Variants in MIER2 observed in about 807,000 individuals in gnomAD.
The protein encoded by MIER2 is MIER family member 2, also known as mesoderm induction early response protein 2.
In MIER2, 30 loss-of-function variants were observed where a neutral mutation model predicts 67.6. That is an observed-to-expected ratio of 0.44 (90% CI 0.33 to 0.60). The LOEUF (loss-of-function observed/expected upper bound fraction) is 0.60, where lower values mean the gene tolerates loss of function less well. Ranked by LOEUF, MIER2 falls within the 20% of genes least tolerant of loss-of-function variation. The probability of loss-of-function intolerance (pLI) is 0.02; values close to 1 mark genes in which losing one functional copy is unlikely to be tolerated. For synonymous variants in MIER2, 372 were observed against 312.6 expected, an observed-to-expected ratio of 1.19 and a Z score of -2.00; for missense variants, 702 against 745.1, an observed-to-expected ratio of 0.94 and a Z score of 0.67.
At chr19:343,485 C>G (rs1345391974) in intron 1 of MIER2, among the ~76,000 whole-genome samples, 6 of 152,046 alleles carry the variant, frequency 3.9e-5, no homozygotes, top group Non-Finnish European at 5.9e-5. Flanking sequence ...GGCCTAGTAT[C>G]GAGACACCTA....
At chr19:320,130 T>C (rs556851682) in intron 7 of MIER2, among the ~76,000 whole-genome samples, 2 of 152,088 alleles carry the variant, frequency 1.3e-5, no homozygotes, top group South Asian at 4.2e-4. Context: ...ATCCCGGCAC[T>C]CTGGGGGGCT....
At position 320,253 on chromosome 19, in the gene MIER2, C is replaced by G. The variant is rs558538784; in HGVS notation, c.655+5382G>C. Among the ~76,000 whole-genome samples, 4 of 152,028 alleles carry G rather than the reference C, an allele frequency of 2.6e-5. No homozygotes were observed. The South Asian group carries it at 8.3e-4, about 32-fold the overall frequency. On this transcript the variant is annotated intron_variant, in intron 7 of 13. Transcript: ENST00000264819. ...AAATTAGCCGGCGTGCAGTGGCGCA[C>G]ATCTGTAGTCCCAGCTACTCGGGAG...
intron 1 of MIER2, among the ~76,000 whole-genome samples, chr19:339,020 G>A (rs1972384286): frequency 7.0e-6 from 1 of 143,032 alleles, no homozygotes; most frequent in African/African-American, 2.6e-5. Flanking sequence ...TGGGAAAAAA[G>A]TTTGTGACCT....
At chr19:343,739 C>T (rs1378466272) in intron 1 of MIER2, 1 of 708,462 alleles carries the variant, frequency 1.4e-6, no homozygotes, top group Non-Finnish European at 1.7e-6. Flanking sequence ...CCTGTCGTAA[C>T]TTCTGCGCAC....
chr19:307,041 C>A lies in MIER2; in HGVS notation c.1616+78G>T, dbSNP rs550392973. On this transcript the variant is annotated intron_variant, in intron 13 of 13. Transcript: ENST00000264819. ...GGGTCCTTGGGGCAAATGCCTCCCA[C>A]CCTCCTCTGCTCAGCCTGAGGGCTG... The A allele has an allele frequency of 1.5e-3, 2,254 of 1,473,730 alleles. 4 individuals are homozygous for A. The highest frequency in any genetic ancestry group is 1.6e-3 in the Non-Finnish European group (1,788 of 1,102,544). The allele number at this position is 1,473,730 out of a possible 1,614,324, so 91.3% of individuals were successfully genotyped here. A position where few individuals can be genotyped will look rare whatever the true frequency, so the allele number is the denominator to read the frequency against.
chr19:307,067 G>A, intron 13 of MIER2, 52 bp downstream of exon 13: 1 of 1,520,544 alleles, frequency 6.6e-7, no homozygotes, highest in Admixed American at 2.0e-5. Context: ...CTGAGGGCTG[G>A]GGGGACCTGG....
At chr19:337,646 C>T (rs890714519) in intron 1 of MIER2, among the ~76,000 whole-genome samples, 1 of 151,912 alleles carries the variant, frequency 6.6e-6, no homozygotes, top group Non-Finnish European at 1.5e-5. Context: ...GCAGGCGGAT[C>T]CCTTGAGGTC....
chr19:310,042 ACACACACACG>A (rs72325624), intron 10 of MIER2, among the ~76,000 whole-genome samples: 12 of 137,180 alleles, frequency 8.7e-5, no homozygotes, highest in Middle Eastern at 3.8e-3. Flanking sequence ...GAAGGGACAC[ACACACACACG>A]CACACAAGGC....
chr19:344,088 T>C (rs926854122), intron 1 of MIER2: 2 of 985,320 alleles, frequency 2.0e-6, no homozygotes, highest in African/African-American at 3.5e-5. Context: ...CCGGGCTTGT[T>C]TCCTGGACGA....
chr19:327,996 T>TG lies in MIER2; in HGVS notation c.244-8dup. The stretch of plus-strand genomic sequence containing the variant: ...CAAAGGGCATGTCGTTGCTCTGAGT[T>TG]GGGGAAGGGAACAAGGCCCCATCAG... On this transcript the variant is annotated splice_region_variant and splice_polypyrimidine_tract_variant and intron_variant, in intron 3 of 13. Coordinates refer to ENST00000264819, the MANE Select transcript of MIER2 (RefSeq NM_017550.3). 1 of 1,613,008 alleles carries TG rather than the reference T, an allele frequency of 6.2e-7. No homozygotes were observed. The highest frequency in any genetic ancestry group is 8.5e-7 in the Non-Finnish European group (1 of 1,179,516).
chr19:327,172 A>G lies in MIER2; in HGVS notation c.454T>C (p.Ser152Pro). The G allele has an allele frequency of 1.9e-6, 3 of 1,594,820 alleles. No homozygotes were observed. Among genetic ancestry groups the G allele is most frequent in the Non-Finnish European group, 2.6e-6 (3 of 1,174,662 alleles). ...SADDLTPSVT[S>P]HEASDLFPNR... ...GGGAAGAGGTCGGAGGCCTCGTGGG[A>G]GGTCACGGACGGGGTGAGGTCGTCA... Residue 152 changes from serine to proline, a missense_variant, in exon 5 of 14, where the codon TCC (serine) becomes CCC (proline). By Grantham distance (74) the Ser-to-Pro change is moderately conservative. Transcript: ENST00000264819.
At chr19:326,896 T>C in intron 5 of MIER2, 1 of 595,972 alleles carries the variant, frequency 1.7e-6, no homozygotes. Flanking sequence ...CTGGATCTGC[T>C]AGGGGAACCA....
At chr19:339,567 T>C (rs1972412337) in intron 1 of MIER2, among the ~76,000 whole-genome samples, 2 of 152,166 alleles carry the variant, frequency 1.3e-5, no homozygotes, top group Non-Finnish European at 2.9e-5. Flanking sequence ...TAAATAGTAT[T>C]TAACCATGTG....
chr19:318,087 G>C (rs1408828058), intron 7 of MIER2, among the ~76,000 whole-genome samples: 2 of 151,666 alleles, frequency 1.3e-5, no homozygotes, highest in African/African-American at 4.8e-5. Flanking sequence ...GCCTGTAATT[G>C]CAGCTACTTG....
chr19:309,020 A>G, intron 10 of MIER2, 95 bp from the exon 11 acceptor site: 1 of 1,508,214 alleles, frequency 6.6e-7, no homozygotes, highest in Non-Finnish European at 8.9e-7. Context: ...CCGGGACAGC[A>G]CAGAAGGAGC....
intron 7 of MIER2, 92 bp downstream of exon 7, chr19:325,543 G>T (rs989470550): frequency 3.3e-5 from 47 of 1,442,010 alleles, no homozygotes; most frequent in Non-Finnish European, 4.6e-5. Flanking sequence ...GCGGGGCGGG[G>T]ACCTGACCAG....
rs999085151 is a variant in MIER2 at position 334,462 on chromosome 19, C to T, written c.181G>A (p.Glu61Lys). ...TTGTCTGGGCACCTCGAGGCCTCCT[C>T]GCACTCCCCCCTAACACTGTAGTTC... ...SQNYSVRGEC[E>K]EASRCPDKPK... The change falls in exon 3 of 14, where the codon GAG becomes AAG. Residue 61 changes from glutamate to lysine, a missense_variant. Around this residue, in one of 3 missense-constraint regions of MIER2, gnomAD observed 320 missense variants for 292.6 expected, o/e 1.09. Transcript: ENST00000264819. 12 of 1,614,040 alleles carry T rather than the reference C, an allele frequency of 7.4e-6. No individual in the cohort carries two copies. The highest frequency in any genetic ancestry group is 4.0e-5 in the African/African-American group (3 of 74,922).
intron 10 of MIER2, among the ~76,000 whole-genome samples, chr19:310,230 C>A (rs113291744): frequency 2.0e-5 from 3 of 152,248 alleles, no homozygotes; most frequent in African/African-American, 7.2e-5. Context: ...ACCCCCTCAC[C>A]TGGACATGCT....
At chr19:318,964 G>A (rs1971379468) in intron 7 of MIER2, among the ~76,000 whole-genome samples, 1 of 151,504 alleles carries the variant, frequency 6.6e-6, no homozygotes, top group African/African-American at 2.4e-5. Flanking sequence ...GGCTGAGACA[G>A]GAGAATGGCG....
Sources: gnomAD v4.1 joint callset for allele counts (sites outside exome capture counted in the v4.1 genomes callset) on GRCh38, gnomAD v4.1.1 for gene constraint, gnomAD v4.1.1 regional missense constraint, MANE v1.5 for transcripts, NCBI Gene and HGNC (gene_info 2026-07-23, HGNC 2026-07-21) for gene names.